Variants in ATP6V0E2 observed in about 807,000 individuals in gnomAD.
The protein encoded by ATP6V0E2 is V-type proton ATPase subunit e 2.
In ATP6V0E2, 4 loss-of-function variants were observed where a neutral mutation model predicts 11.5. The observed-to-expected ratio is 0.35, with a 90% CI of 0.17 to 0.80. The LOEUF (loss-of-function observed/expected upper bound fraction) is 0.80, where lower values mean the gene tolerates loss of function less well. Among genes scored for constraint, ATP6V0E2 ranks in the 30% least tolerant of loss-of-function variants. The pLI, the probability that ATP6V0E2 is intolerant of heterozygous loss-of-function variation, is 0.53. For synonymous variants in ATP6V0E2, 52 were observed against 51.0 expected, an observed-to-expected ratio of 1.02 and a Z score of -0.09; for missense variants, 93 against 113.5, an observed-to-expected ratio of 0.82 and a Z score of 0.82.
At chr7:149,873,825 C>G, upstream of ATP6V0E2, 1 of 1,430,500 alleles carries the variant, frequency 7.0e-7, no homozygotes, top group Admixed American at 2.8e-5. Flanking sequence ...CCCTATTCCT[C>G]GGCATTTCTC....
chr7:149,875,627 C>T lies in ATP6V0E2; in HGVS notation c.134C>T (p.Ala45Val), dbSNP rs201500750. The T allele has an allele frequency of 9.7e-5, 156 of 1,613,754 alleles. No individual in the cohort carries two copies. The highest frequency in any genetic ancestry group is 8.8e-5 in the Non-Finnish European group (104 of 1,179,866). ...ATCATCACCATGCTGGTCGCCACCG[C>T]CGTCTGCTGTTACCTCTTGTAAGTA... ...GVIITMLVAT[A>V]VCCYLFWLIA... The change falls in exon 2 of 4, where the codon GCC becomes GTC. Residue 45 changes from alanine to valine, a missense_variant. By Grantham distance (64) the Ala-to-Val change is moderately conservative. Coordinates refer to ENST00000425642, the MANE Select transcript of ATP6V0E2 (RefSeq NM_145230.4).
chr7:149,877,837 A>T (rs1411435076), intron 2 of ATP6V0E2, among the ~76,000 whole-genome samples: 4 of 152,254 alleles, frequency 2.6e-5, no homozygotes, highest in Non-Finnish European at 5.9e-5. Context: ...GGTCATTCTA[A>T]GAAAATGTTA....
At chr7:149,875,200 A>G (rs1803061177) in intron 1 of ATP6V0E2, among the ~76,000 whole-genome samples, 2 of 152,158 alleles carry the variant, frequency 1.3e-5, no homozygotes, top group Non-Finnish European at 2.9e-5. Flanking sequence ...CCTGTCTTCT[A>G]GCCTATTGTT....
In ATP6V0E2 at chr7:149,878,795, T is replaced by A. The variant is rs10246226; in HGVS notation, c.*19+5T>A. 2 of 1,611,338 alleles carry A rather than the reference T, an allele frequency of 1.2e-6. No homozygotes were observed. The highest frequency in any genetic ancestry group is 2.2e-5 in the East Asian group (1 of 44,752). On this transcript the variant is annotated splice_donor_5th_base_variant and intron_variant, in intron 3 of 3. Coordinates refer to ENST00000425642, the MANE Select transcript of ATP6V0E2 (RefSeq NM_145230.4). ...GACCCGCCGCCCCCGACCCAGGTAC[T>A]GTGTGGGCGAGGGGTGTGGGTGGGG... is the stretch of plus-strand genomic sequence containing the variant.
chr7:149,879,950 G>A lies in ATP6V0E2; in HGVS notation c.*635G>A, dbSNP rs77182814. 4,099 of 315,998 alleles carry A rather than the reference G, an allele frequency of 0.013. 167 individuals are homozygous for A. The highest frequency in any genetic ancestry group is 0.08 in the African/African-American group (3,762 of 46,970). The allele number at this position is 315,998 out of a possible 1,614,324, so 19.6% of individuals were successfully genotyped here. On this transcript the variant is annotated 3_prime_UTR_variant, in exon 4 of 4. Transcript: ENST00000425642. ...GTCCTAGATGTTGGCACCCTTTGCT[G>A]TGTCTCCTCAGAGTATCCTGTTCCG...
intron 3 of ATP6V0E2, 145 bp from the exon 4 acceptor site, chr7:149,879,190 A>G: frequency 7.1e-7 from 1 of 1,400,594 alleles, no homozygotes. Flanking sequence ...GCAAGACCCT[A>G]ACCTGGGCCC....
chr7:149,873,785 TAAC>T (rs1320500844), upstream of ATP6V0E2: 1 of 1,280,128 alleles, frequency 7.8e-7, no homozygotes, highest in Non-Finnish European at 1.0e-6. Context: ...GCGGACCCTA[TAAC>T]CCATCGCCGA....
intron 2 of ATP6V0E2, among the ~76,000 whole-genome samples, chr7:149,877,338 ATGCCT>A (rs1803208588): frequency 5.3e-5 from 8 of 152,124 alleles, no homozygotes; most frequent in Non-Finnish European, 1.0e-4. Flanking sequence ...ATGTGCCACC[ATGCCT>A]GGCTGATTTT....
rs187132427 is a variant in ATP6V0E2, at chr7:149,878,803, C to T, written c.*19+13C>T. The T allele has an allele frequency of 1.4e-3, 2,256 of 1,609,836 alleles. 24 individuals are homozygous for T. In the African/African-American group the frequency reaches 0.027, roughly 19 times the overall value. ...GCCCCCGACCCAGGTACTGTGTGGG[C>T]GAGGGGTGTGGGTGGGGAAGAGGGG... On this transcript the variant is annotated intron_variant, in intron 3 of 3. Transcript: ENST00000425642.
chr7:149,878,160 G>C (rs895002980), intron 2 of ATP6V0E2, among the ~76,000 whole-genome samples: 6 of 152,228 alleles, frequency 3.9e-5, no homozygotes, highest in African/African-American at 1.2e-4. Context: ...AGGTGGGGCA[G>C]GTCCCTGAGG....
At chr7:149,875,397 C>T (rs1209549271) in intron 1 of ATP6V0E2, among the ~76,000 whole-genome samples, 1 of 152,164 alleles carries the variant, frequency 6.6e-6, no homozygotes, top group African/African-American at 2.4e-5. Context: ...AGGTTGGCCT[C>T]TCTGTGAGGT....
chr7:149,876,308 G>A (rs560080011), intron 2 of ATP6V0E2, among the ~76,000 whole-genome samples: 3 of 152,158 alleles, frequency 2.0e-5, no homozygotes, highest in African/African-American at 4.8e-5. Flanking sequence ...CCCGGGAGAC[G>A]GAGGTTGCGG....
intron 2 of ATP6V0E2, chr7:149,876,162 G>A (rs1803122205): frequency 2.2e-6 from 1 of 451,280 alleles, no homozygotes; most frequent in Non-Finnish European, 4.5e-6. Flanking sequence ...TGGATCACGA[G>A]GTCAGGAGTT....
chr7:149,876,579 GGAAAAA>G (rs1166788898), intron 2 of ATP6V0E2, among the ~76,000 whole-genome samples: 3 of 152,136 alleles, frequency 2.0e-5, no homozygotes, highest in Admixed American at 1.3e-4. Flanking sequence ...TTTTTTAAAA[GGAAAAA>G]GAAAAAGACC....
At chr7:149,878,006 A>T (rs6980277) in intron 2 of ATP6V0E2, among the ~76,000 whole-genome samples, 2 of 152,100 alleles carry the variant, frequency 1.3e-5, no homozygotes, top group Admixed American at 1.3e-4. Context: ...CAGACAAAGC[A>T]GTGTGGATGT....
upstream of ATP6V0E2, chr7:149,873,962 G>C: frequency 1.9e-6 from 3 of 1,545,052 alleles, no homozygotes; most frequent in Non-Finnish European, 2.6e-6. Flanking sequence ...TCGGGTGCTC[G>C]ACTCCTGTTG....
chr7:149,878,644 T>C, intron 2 of ATP6V0E2, 34 bp from the exon 3 acceptor site: 1 of 1,547,264 alleles, frequency 6.5e-7, no homozygotes, highest in Non-Finnish European at 8.7e-7. Context: ...GACCCTCCTG[T>C]GCCAGGCTCA....
At chr7:149,877,335 AC>A (rs1803208307) in intron 2 of ATP6V0E2, among the ~76,000 whole-genome samples, 8 of 152,130 alleles carry the variant, frequency 5.3e-5, no homozygotes, top group Non-Finnish European at 1.0e-4. Context: ...GGCATGTGCC[AC>A]CATGCCTGGC....
intron 1 of ATP6V0E2, 99 bp downstream of exon 1, chr7:149,874,268 G>A (rs1270046590): frequency 7.1e-7 from 1 of 1,414,000 alleles, no homozygotes; most frequent in African/African-American, 1.5e-5. Flanking sequence ...TCTGCAGCGA[G>A]CGTCCGCAGG....
Sources: gnomAD v4.1 joint callset for allele counts (sites outside exome capture counted in the v4.1 genomes callset) on GRCh38, gnomAD v4.1.1 for gene constraint, MANE v1.5 for transcripts, NCBI Gene and HGNC (gene_info 2026-07-23, HGNC 2026-07-21) for gene names.